Variants in EXT1 observed in about 807,000 individuals in gnomAD.
EXT1 encodes the protein exostosin-1.
A neutral mutation model predicts 82.5 loss-of-function variants in EXT1; 20 were observed. The observed-to-expected ratio is 0.24, with a 90% CI of 0.17 to 0.35. EXT1 has a LOEUF of 0.35. EXT1 is among the 10% of genes least tolerant of loss of function. The pLI, the probability that EXT1 is intolerant of heterozygous loss-of-function variation, is 1.00. For synonymous variants in EXT1, 348 were observed against 350.8 expected, an observed-to-expected ratio of 0.99 and a Z score of 0.09; for missense variants, 757 against 936.5, an observed-to-expected ratio of 0.81 and a Z score of 2.50.
At chr8:117,968,840 A>G (rs1234511937) in intron 1 of EXT1, among the ~76,000 whole-genome samples, 1 of 64,554 alleles carries the variant, frequency 1.5e-5, no homozygotes, top group Non-Finnish European at 2.5e-5. Context: ...AAGTGCTGGG[A>G]TTACAGGCGT....
chr8:117,856,286 G>T (rs201152858), intron 1 of EXT1, among the ~76,000 whole-genome samples: 1 of 146,776 alleles, frequency 6.8e-6, no homozygotes, highest in Non-Finnish European at 1.5e-5. Flanking sequence ...ACGGAGTCTC[G>T]CTCTGTTGCC....
chr8:117,893,263 C>T (rs554312987), intron 1 of EXT1, among the ~76,000 whole-genome samples: 2 of 152,236 alleles, frequency 1.3e-5, no homozygotes, highest in South Asian at 4.1e-4. Flanking sequence ...AAATAAATAA[C>T]GAAAATATTC....
chr8:117,930,250 C>T (rs890688057), intron 1 of EXT1, among the ~76,000 whole-genome samples: 1 of 152,154 alleles, frequency 6.6e-6, no homozygotes, highest in African/African-American at 2.4e-5. Flanking sequence ...GATATTCACA[C>T]CTCAAGAGGA....
chr8:117,829,816 C>T (rs1812068460), intron 4 of EXT1, among the ~76,000 whole-genome samples: 1 of 152,040 alleles, frequency 6.6e-6, no homozygotes, highest in South Asian at 2.1e-4. Context: ...GGTGATGCAC[C>T]TGCCTCAGCT....
chr8:118,027,520 C>G (rs1244636719), intron 1 of EXT1, among the ~76,000 whole-genome samples: 1 of 152,190 alleles, frequency 6.6e-6, no homozygotes, highest in Non-Finnish European at 1.5e-5. Flanking sequence ...ACCTCCCTCT[C>G]TCTACAAGTG....
At chr8:117,954,446 A>G (rs529602769) in intron 1 of EXT1, among the ~76,000 whole-genome samples, 1 of 152,340 alleles carries the variant, frequency 6.6e-6, no homozygotes, top group African/African-American at 2.4e-5. Flanking sequence ...AAGTGAAGAA[A>G]GGTAAAGTGT....
At chr8:117,882,639 G>C (rs998971985) in intron 1 of EXT1, among the ~76,000 whole-genome samples, 7 of 152,160 alleles carry the variant, frequency 4.6e-5, no homozygotes, top group African/African-American at 1.7e-4. Flanking sequence ...CACTAAATCA[G>C]TCCTTGGTGC....
At chr8:117,806,742 T>G (rs1823244611) in intron 9 of EXT1, among the ~76,000 whole-genome samples, 2 of 152,196 alleles carry the variant, frequency 1.3e-5, no homozygotes. Context: ...TCAGCACCCT[T>G]GATCCTTTTC....
chr8:117,872,824 GAA>G (rs1171262675), intron 1 of EXT1, among the ~76,000 whole-genome samples: 1 of 87,412 alleles, frequency 1.1e-5, no homozygotes, highest in Non-Finnish European at 2.5e-5. Context: ...CTGAAGCAGA[GAA>G]AAAAAAAAAA....
intron 1 of EXT1, among the ~76,000 whole-genome samples, chr8:117,847,892 G>C (rs1279649424): frequency 9.1e-6 from 1 of 110,136 alleles, no homozygotes; most frequent in African/African-American, 2.9e-5. Flanking sequence ...AAAATATCTT[G>C]AGAATCCAAT....
chr8:118,043,148 G>T (rs1450645047), intron 1 of EXT1, among the ~76,000 whole-genome samples: 1 of 152,192 alleles, frequency 6.6e-6, no homozygotes, highest in Admixed American at 6.5e-5. Context: ...CAGAGCAGTT[G>T]TGTGGGGCAG....
intron 4 of EXT1, among the ~76,000 whole-genome samples, chr8:117,825,162 G>A (rs368951760): frequency 4.7e-4 from 72 of 152,168 alleles, no homozygotes; most frequent in Non-Finnish European, 7.6e-4. Flanking sequence ...GTGAGCCACC[G>A]CTCCAGACCA....
At chr8:118,001,339 C>A (rs1815660307) in intron 1 of EXT1, among the ~76,000 whole-genome samples, 1 of 152,222 alleles carries the variant, frequency 6.6e-6, no homozygotes, top group Admixed American at 6.5e-5. Flanking sequence ...CGTGTGCCAC[C>A]AGGCCTGGCT....
chr8:118,098,229 T>C (rs1011732274), intron 1 of EXT1, among the ~76,000 whole-genome samples: 1 of 152,110 alleles, frequency 6.6e-6, no homozygotes, highest in African/African-American at 2.4e-5. Context: ...CTGCTACACG[T>C]CCAAGCTAGG....
intron 5 of EXT1, among the ~76,000 whole-genome samples, chr8:117,821,036 A>T (rs1396376051): frequency 6.6e-6 from 1 of 152,192 alleles, no homozygotes; most frequent in Non-Finnish European, 1.5e-5. Flanking sequence ...GAAATTAGAG[A>T]CAGGTTAAGA....
At position 117,873,376 on chromosome 8, in the gene EXT1, C is replaced by T. The variant is rs1298378204; in HGVS notation, c.963-36175G>A. ...TTCTGACAACGAAACTACAATTTCCCATGAAGTTGAGAGGGGTTAAGAAAA... is the reference window on the plus strand; with the variant it reads ...TTCTGACAACGAAACTACAATTTCCTATGAAGTTGAGAGGGGTTAAGAAAA... On this transcript the variant is annotated intron_variant, in intron 1 of 10. Coordinates refer to ENST00000378204, the MANE Select transcript of EXT1 (RefSeq NM_000127.3). Among the ~76,000 whole-genome samples, 9 of 151,578 alleles carry T rather than the reference C, an allele frequency of 5.9e-5. No individual in the cohort carries two copies. In the South Asian group the frequency reaches 1.5e-3, roughly 25 times the overall value.
At chr8:117,934,704 C>T (rs577381888) in intron 1 of EXT1, among the ~76,000 whole-genome samples, 3 of 152,346 alleles carry the variant, frequency 2.0e-5, no homozygotes, top group East Asian at 1.9e-4. Flanking sequence ...GAACCCAGAA[C>T]TGTTTCACAC....
intron 1 of EXT1, among the ~76,000 whole-genome samples, chr8:117,975,857 G>T (rs1402894699): frequency 6.6e-6 from 1 of 152,166 alleles, no homozygotes. Flanking sequence ...CTTGTCATCT[G>T]CAGTTCAATG....
intron 1 of EXT1, among the ~76,000 whole-genome samples, chr8:118,028,096 T>C (rs1816235168): frequency 6.6e-6 from 1 of 152,130 alleles, no homozygotes; most frequent in Non-Finnish European, 1.5e-5. Context: ...GGAGGCAGAG[T>C]TGTGGTCCCA....
Sources: allele counts gnomAD v4.1 joint callset (sites outside exome capture counted in the v4.1 genomes callset), GRCh38; gene constraint gnomAD v4.1.1; transcripts MANE v1.5; gene names NCBI Gene and HGNC (gene_info 2026-07-23, HGNC 2026-07-21).